ATP8A2: variants seen among roughly 807,000 people sequenced by gnomAD.
The protein encoded by ATP8A2 is ATPase phospholipid transporting 8A2, also known as phospholipid-transporting ATPase IB.
A neutral mutation model predicts 165.6 loss-of-function variants in ATP8A2; 100 were observed. That is an observed-to-expected ratio of 0.60 (90% CI 0.51 to 0.71). ATP8A2 has a LOEUF of 0.71. Among genes scored for constraint, ATP8A2 ranks in the 30% least tolerant of loss-of-function variants. ATP8A2 has a pLI of 0.00. For missense variants in ATP8A2, 1,227 were observed against 1,479.5 expected (o/e 0.83, Z 2.80); for synonymous variants, 543 against 548.8 (o/e 0.99, Z 0.15).
intron 24 of ATP8A2, among the ~76,000 whole-genome samples, chr13:25,599,913 G>T (rs887882183): frequency 1.3e-5 from 2 of 152,242 alleles, no homozygotes; most frequent in Non-Finnish European, 2.9e-5. Flanking sequence ...TTCACCTTTG[G>T]AATATTTCTT....
intron 33 of ATP8A2, among the ~76,000 whole-genome samples, chr13:25,954,492 A>T (rs971391835): frequency 1.3e-5 from 2 of 152,210 alleles, no homozygotes; most frequent in African/African-American, 4.8e-5. Flanking sequence ...CTCCCAGCAG[A>T]GCACTAGAGC....
At chr13:25,565,614 A>G (rs539615938) in intron 16 of ATP8A2, among the ~76,000 whole-genome samples, 1 of 152,072 alleles carries the variant, frequency 6.6e-6, no homozygotes, top group African/African-American at 2.4e-5. Flanking sequence ...AGTTTGTTGT[A>G]GTTTCTGGAT....
At chr13:25,853,128 G>T (rs1466545617) in intron 30 of ATP8A2, among the ~76,000 whole-genome samples, 1 of 151,102 alleles carries the variant, frequency 6.6e-6, no homozygotes, top group Non-Finnish European at 1.5e-5. Context: ...AGGTGCGGTG[G>T]CTGTAATTCC....
intron 26 of ATP8A2, among the ~76,000 whole-genome samples, chr13:25,774,121 G>T (rs1329948751): frequency 7.2e-6 from 1 of 138,430 alleles, no homozygotes; most frequent in East Asian, 2.1e-4. Flanking sequence ...AATCCCTATT[G>T]CAGCACTATT....
chr13:25,460,487 T>C (rs145900325), intron 1 of ATP8A2, among the ~76,000 whole-genome samples: 1 of 152,368 alleles, frequency 6.6e-6, no homozygotes, highest in African/African-American at 2.4e-5. Context: ...AAAATTACTC[T>C]GAGTTGAGTG....
intron 26 of ATP8A2, among the ~76,000 whole-genome samples, chr13:25,771,340 G>A (rs1333539508): frequency 6.6e-6 from 1 of 152,176 alleles, no homozygotes; most frequent in Non-Finnish European, 1.5e-5. Context: ...TTTGAGGCCT[G>A]TGGGACTCGC....
rs558290120 is a variant in ATP8A2 at position 25,399,097 on chromosome 13, T to C, written c.76+26809T>C. 3.3e-5 allele frequency among the ~76,000 whole-genome samples: 5 copies of C among 152,296 alleles called. No homozygotes were observed. The South Asian group carries it at 1.0e-3, about 32-fold the overall frequency. The stretch of plus-strand genomic sequence containing the variant: ...TCCCAGAAGGCAGGACCTGGGTATC[T>C]AATCTGCATGTGTAAATAACCAGCT... On this transcript the variant is annotated intron_variant, in intron 1 of 36. Coordinates refer to ENST00000381655, the MANE Select transcript of ATP8A2 (RefSeq NM_016529.6).
intron 24 of ATP8A2, among the ~76,000 whole-genome samples, chr13:25,621,141 G>T (rs1293892017): frequency 6.6e-6 from 1 of 152,116 alleles, no homozygotes; most frequent in Non-Finnish European, 1.5e-5. Context: ...TCTTATCCTA[G>T]GTACCTTTGT....
intron 35 of ATP8A2, among the ~76,000 whole-genome samples, chr13:26,005,892 C>A (rs1018505366): frequency 2.6e-5 from 4 of 151,928 alleles, no homozygotes; most frequent in African/African-American, 9.7e-5. Flanking sequence ...CAGTACCATG[C>A]TATTTTTATT....
At chr13:25,564,955 A>G (rs1033645076) in intron 16 of ATP8A2, among the ~76,000 whole-genome samples, 3 of 151,986 alleles carry the variant, frequency 2.0e-5, no homozygotes, top group Non-Finnish European at 2.9e-5. Context: ...GTGAGAACAC[A>G]TGATGTTTGG....
chr13:25,997,697 C>T (rs1281437893), intron 35 of ATP8A2, among the ~76,000 whole-genome samples: 2 of 152,148 alleles, frequency 1.3e-5, no homozygotes, highest in African/African-American at 2.4e-5. Flanking sequence ...TCCTCTGTCC[C>T]CTGCATTCTG....
At chr13:25,529,978 T>TC in intron 2 of ATP8A2, 21 bp from the exon 3 acceptor site, 3 of 1,406,632 alleles carry the variant, frequency 2.1e-6, no homozygotes, top group Non-Finnish European at 2.0e-6. Flanking sequence ...CTGATAGTAT[T>TC]ATTTTTCTTT....
intron 1 of ATP8A2, among the ~76,000 whole-genome samples, chr13:25,464,236 T>A (rs903334301): frequency 6.6e-6 from 1 of 152,126 alleles, no homozygotes; most frequent in African/African-American, 2.4e-5. Context: ...TAGGAATTTG[T>A]CCCTCCTCTT....
chr13:25,390,373 G>T (rs1392458044), intron 1 of ATP8A2, among the ~76,000 whole-genome samples: 1 of 152,158 alleles, frequency 6.6e-6, no homozygotes, highest in Non-Finnish European at 1.5e-5. Context: ...GAGGTGTATA[G>T]TATGCATAGT....
intron 26 of ATP8A2, among the ~76,000 whole-genome samples, chr13:25,770,183 A>T (rs1038240408): frequency 2.0e-5 from 3 of 152,050 alleles, no homozygotes; most frequent in African/African-American, 7.2e-5. Context: ...CCCAAAGCAG[A>T]CCTCCTTGCC....
intron 27 of ATP8A2, among the ~76,000 whole-genome samples, chr13:25,790,927 T>TATATATATA (rs1173407240): frequency 5.9e-5 from 9 of 152,148 alleles, no homozygotes; most frequent in African/African-American, 2.2e-4. Flanking sequence ...TTATACACTG[T>TATATATATA]TGGTGGGAGT....
At position 25,540,362 on chromosome 13, in the gene ATP8A2, G is replaced by A; in HGVS notation, c.625G>A (p.Gly209Arg). Reference protein sequence around the residue: ...MCYVETANLDGETNLKIRQGL... With the variant: ...MCYVETANLDRETNLKIRQGL... ...TTATGTTGAAACAGCTAATCTGGAT[G>A]GGGAGACGAACCTTAAAATACGTCA... The change falls in exon 8 of 37, where the codon GGG becomes AGG. Residue 209 changes from glycine to arginine, a missense_variant. Coordinates refer to ENST00000381655, the MANE Select transcript of ATP8A2 (RefSeq NM_016529.6). 6.2e-7 allele frequency: 1 copy of A among 1,613,824 alleles called. No homozygotes were observed. The highest frequency in any genetic ancestry group is 8.5e-7 in the Non-Finnish European group (1 of 1,179,754).
intron 16 of ATP8A2, among the ~76,000 whole-genome samples, chr13:25,568,756 A>G (rs1026119516): frequency 2.0e-5 from 3 of 152,114 alleles, no homozygotes; most frequent in Non-Finnish European, 4.4e-5. Flanking sequence ...TGGTTAAATG[A>G]TAGATATTAC....
intron 25 of ATP8A2, among the ~76,000 whole-genome samples, chr13:25,724,639 T>A (rs2043454844): frequency 6.6e-6 from 1 of 152,238 alleles, no homozygotes; most frequent in Admixed American, 6.5e-5. Context: ...ATTGACTTCT[T>A]TGGGCTCCAC....
Sources: gnomAD v4.1 joint callset for allele counts (sites outside exome capture counted in the v4.1 genomes callset) on GRCh38, gnomAD v4.1.1 for gene constraint, MANE v1.5 for transcripts, NCBI Gene and HGNC (gene_info 2026-07-23, HGNC 2026-07-21) for gene names.